Variants in LRRC4C observed in about 807,000 individuals in gnomAD.
LRRC4C encodes the protein leucine rich repeat containing 4C.
A neutral mutation model predicts 33.6 loss-of-function variants in LRRC4C; 5 were observed. The observed-to-expected ratio is 0.15, with a 90% CI of 0.08 to 0.31. The LOEUF (loss-of-function observed/expected upper bound fraction) is 0.31, where lower values mean the gene tolerates loss of function less well. LRRC4C is among the 10% of genes least tolerant of loss of function. The probability of loss-of-function intolerance (pLI) is 1.00; values close to 1 mark genes in which losing one functional copy is unlikely to be tolerated. For synonymous variants in LRRC4C, 329 were observed against 302.0 expected, an observed-to-expected ratio of 1.09 and a Z score of -0.93; for missense variants, 560 against 796.7, an observed-to-expected ratio of 0.70 and a Z score of 3.58.
intron 3 of LRRC4C, among the ~76,000 whole-genome samples, chr11:40,556,772 G>C (rs1591096568): frequency 6.6e-6 from 1 of 152,066 alleles, no homozygotes; most frequent in East Asian, 1.9e-4. Flanking sequence ...CAAATCAAAG[G>C]CTACTTACAA....
chr11:41,202,285 G>A lies in LRRC4C; in HGVS notation c.-496+257146C>T, dbSNP rs74491016. On this transcript the variant is annotated intron_variant, in intron 1 of 6. Coordinates refer to ENST00000528697, the MANE Select transcript of LRRC4C (RefSeq NM_001258419.2). ...TGTTTGATGCACAGAGGAGGATTTC[G>A]GGAAATGATTTGGATTTCTCATCAT... Among the ~76,000 whole-genome samples the A allele has an allele frequency of 3.7e-4, 56 of 152,190 alleles. No individual in the cohort carries two copies. The East Asian group carries it at 0.011, about 29-fold the overall frequency.
intron 2 of LRRC4C, among the ~76,000 whole-genome samples, chr11:40,719,409 G>GA (rs959709490): frequency 2.0e-5 from 3 of 152,002 alleles, no homozygotes; most frequent in African/African-American, 4.8e-5. Flanking sequence ...AAAGTGACCA[G>GA]AAAAAAATTA....
intron 2 of LRRC4C, among the ~76,000 whole-genome samples, chr11:40,837,171 A>T (rs1952710090): frequency 6.6e-6 from 1 of 152,088 alleles, no homozygotes; most frequent in African/African-American, 2.4e-5. Context: ...TTATTTTTTG[A>T]TGCTTGCTCA....
At chr11:40,690,499 A>C (rs192642085) in intron 2 of LRRC4C, among the ~76,000 whole-genome samples, 2 of 152,188 alleles carry the variant, frequency 1.3e-5, no homozygotes, top group East Asian at 3.9e-4. Context: ...AAAGCTTTAT[A>C]GGCGAAAAAA....
intron 2 of LRRC4C, among the ~76,000 whole-genome samples, chr11:40,817,148 A>C (rs919802688): frequency 3.3e-5 from 5 of 152,318 alleles, no homozygotes; most frequent in Admixed American, 3.3e-4. Flanking sequence ...TGCCTCACTC[A>C]GAAAACTTTC....
intron 1 of LRRC4C, among the ~76,000 whole-genome samples, chr11:40,942,233 T>A (rs944524085): frequency 6.6e-6 from 1 of 152,198 alleles, no homozygotes; most frequent in African/African-American, 2.4e-5. Flanking sequence ...AGTCATTGAC[T>A]GGAAGCAGCT....
intron 2 of LRRC4C, among the ~76,000 whole-genome samples, chr11:40,676,743 A>G (rs1201401421): frequency 6.6e-6 from 1 of 152,154 alleles, no homozygotes; most frequent in Admixed American, 6.5e-5. Flanking sequence ...AACTTTGGAT[A>G]TGTTTACTTG....
rs1188421974 is a variant in LRRC4C at position 40,115,632 on chromosome 11, G to A, written c.661C>T (p.Leu221=). The A allele has an allele frequency of 6.2e-7, 1 of 1,614,096 alleles. No individual in the cohort carries two copies. Among genetic ancestry groups the A allele is most frequent in the Non-Finnish European group, 8.5e-7 (1 of 1,180,048 alleles). Residue 221 remains leucine, a synonymous_variant, in exon 7 of 7, where the codon CTA becomes TTA. Transcript: ENST00000528697. The surrounding 1 kb of genome is among the most constrained non-coding windows in gnomAD (Gnocchi z 6.7). Reference sequence around the variant, plus strand: ...TTCCCAGAAAGATCCAGCTCATCTAGTTTTATGAGCGGTGTGAGGTTAGGG... The same window carrying A: ...TTCCCAGAAAGATCCAGCTCATCTAATTTTATGAGCGGTGTGAGGTTAGGG... ...EIPNLTPLIK[L]DELDLSGNHL...
chr11:41,171,149 G>GTTGGTGGGACTGTAAACTT, intron 1 of LRRC4C, among the ~76,000 whole-genome samples: 1 of 152,024 alleles, frequency 6.6e-6, no homozygotes, highest in Admixed American at 6.6e-5. Flanking sequence ...CTTTTACACT[G>GTTGGTGGGACTGTAAACTT]TTGGTGGGAC....
intron 1 of LRRC4C, among the ~76,000 whole-genome samples, chr11:41,405,191 A>T (rs1222085013): frequency 6.6e-6 from 1 of 152,120 alleles, no homozygotes; most frequent in African/African-American, 2.4e-5. Flanking sequence ...CTCCAAACCA[A>T]GAAGGTGACA....
intron 3 of LRRC4C, among the ~76,000 whole-genome samples, chr11:40,330,486 T>C (rs913118134): frequency 6.6e-6 from 1 of 152,134 alleles, no homozygotes; most frequent in Non-Finnish European, 1.5e-5. Context: ...AAAATCTTCT[T>C]GTATTAGCCT....
chr11:41,267,641 AT>A (rs955398159), intron 1 of LRRC4C, among the ~76,000 whole-genome samples: 3 of 151,960 alleles, frequency 2.0e-5, no homozygotes, highest in East Asian at 3.9e-4. Flanking sequence ...CACTGTGCCA[AT>A]TTTTTTTGGC....
chr11:40,871,301 C>T (rs1000931919), intron 2 of LRRC4C, among the ~76,000 whole-genome samples: 11 of 152,152 alleles, frequency 7.2e-5, no homozygotes, highest in South Asian at 2.1e-4. Context: ...TGACCCACAC[C>T]GTATTCGTAC....
chr11:40,843,976 T>C (rs1459052409), intron 2 of LRRC4C, among the ~76,000 whole-genome samples: 1 of 152,158 alleles, frequency 6.6e-6, no homozygotes, highest in East Asian at 1.9e-4. Context: ...AGCCATATTT[T>C]TTGGAACTCT....
At chr11:40,450,541 G>A (rs914474438) in intron 3 of LRRC4C, among the ~76,000 whole-genome samples, 1 of 152,022 alleles carries the variant, frequency 6.6e-6, no homozygotes, top group African/African-American at 2.4e-5. Flanking sequence ...TGAAATAAGG[G>A]AACAGGCTTT....
chr11:40,911,701 A>T (rs752959372), intron 2 of LRRC4C, among the ~76,000 whole-genome samples: 3 of 152,240 alleles, frequency 2.0e-5, no homozygotes, highest in Admixed American at 2.0e-4. Context: ...ACGGAGAATG[A>T]CTTTTATGAG....
intron 3 of LRRC4C, among the ~76,000 whole-genome samples, chr11:40,530,965 T>C (rs1591019343): frequency 6.6e-6 from 1 of 152,118 alleles, no homozygotes; most frequent in African/African-American, 2.4e-5. Context: ...TTGTTATTCC[T>C]AAAATGGAGT....
chr11:41,148,526 A>G (rs541600175), intron 1 of LRRC4C, among the ~76,000 whole-genome samples: 3 of 152,262 alleles, frequency 2.0e-5, no homozygotes, highest in East Asian at 3.9e-4. Context: ...AATAGCCAGA[A>G]AAATCTATGG....
chr11:41,318,486 G>C (rs1276007547), intron 1 of LRRC4C, among the ~76,000 whole-genome samples: 1 of 152,108 alleles, frequency 6.6e-6, no homozygotes, highest in Non-Finnish European at 1.5e-5. Context: ...TCTCATAAGA[G>C]ATTGAAGGTG....
Sources: allele counts gnomAD v4.1 joint callset (sites outside exome capture counted in the v4.1 genomes callset), GRCh38; gene constraint gnomAD v4.1.1; non-coding constraint Gnocchi (gnomAD v3.1); transcripts MANE v1.5; gene names NCBI Gene and HGNC (gene_info 2026-07-23, HGNC 2026-07-21).